The following DPF3 variants were observed in gnomAD, a reference collection of about 807,000 sequenced individuals.
DPF3 encodes the protein double PHD fingers 3, also known as zinc finger protein DPF3.
DPF3 carries 18 observed loss-of-function variants against 56.8 expected under a neutral mutation model. The observed-to-expected ratio is 0.32, with a 90% CI of 0.22 to 0.47. The LOEUF is 0.47. DPF3 is among the 20% of genes least tolerant of loss of function. The pLI is 1.00. For synonymous variants in DPF3, 188 were observed against 180.2 expected (o/e 1.04, Z -0.35); for missense variants, 403 against 488.8 (o/e 0.82, Z 1.65).
intron 8 of DPF3, chr14:72,662,807 G>T: frequency 1.0e-6 from 1 of 986,348 alleles, no homozygotes; most frequent in Non-Finnish European, 1.2e-6. Context: ...CTTGAAGGAT[G>T]CTGGAGTCCC....
chr14:72,714,385 C>A (rs1888804038), intron 6 of DPF3, 38 bp downstream of exon 6: 6 of 1,610,396 alleles, frequency 3.7e-6, no homozygotes, highest in Non-Finnish European at 4.2e-6. Flanking sequence ...GGGGCAGGCG[C>A]ACAGGGAGGA....
intron 3 of DPF3, among the ~76,000 whole-genome samples, chr14:72,751,512 C>T (rs141508545): frequency 1.3e-5 from 2 of 152,274 alleles, no homozygotes; most frequent in African/African-American, 2.4e-5. Flanking sequence ...AGGCCAGGAC[C>T]GCACTTTGAA....
chr14:72,742,940 C>T (rs1183648015), intron 3 of DPF3, among the ~76,000 whole-genome samples: 1 of 152,144 alleles, frequency 6.6e-6, no homozygotes, highest in Non-Finnish European at 1.5e-5. Context: ...GGAGATACCC[C>T]TCTGCAGGTC....
intron 1 of DPF3, among the ~76,000 whole-genome samples, chr14:72,868,233 G>T (rs1885756211): frequency 6.6e-6 from 1 of 152,160 alleles, no homozygotes; most frequent in African/African-American, 2.4e-5. Context: ...AAGGGTACCT[G>T]GGAGTCAGAC....
chr14:72,693,962 C>T (rs1462230427), intron 6 of DPF3, among the ~76,000 whole-genome samples: 1 of 152,228 alleles, frequency 6.6e-6, no homozygotes, highest in African/African-American at 2.4e-5. Context: ...AGAGCTTGTG[C>T]CCCTGATGCC....
intron 6 of DPF3, among the ~76,000 whole-genome samples, chr14:72,709,297 G>A (rs982149808): frequency 2.6e-5 from 4 of 152,140 alleles, no homozygotes; most frequent in African/African-American, 7.2e-5. Context: ...GACACCTGAC[G>A]TGACTCAGGA....
intron 1 of DPF3, among the ~76,000 whole-genome samples, chr14:72,821,130 T>C (rs1366586401): frequency 8.4e-6 from 1 of 119,664 alleles, no homozygotes; most frequent in African/African-American, 3.0e-5. Context: ...TGAAACTCTA[T>C]CTCAAAAAAA....
At chr14:72,881,460 C>T (rs188658282) in intron 1 of DPF3, among the ~76,000 whole-genome samples, 17 of 152,188 alleles carry the variant, frequency 1.1e-4, no homozygotes, top group Non-Finnish European at 1.8e-4. Context: ...GGGTATTCTC[C>T]CTGTGTCGAT....
At position 72,689,025 on chromosome 14, in the gene DPF3, C is replaced by T. The variant is rs535761347; in HGVS notation, c.742+4051G>A. Among the ~76,000 whole-genome samples, 12 of 151,886 alleles carry T rather than the reference C, an allele frequency of 7.9e-5. No homozygotes were observed. In the South Asian group the frequency reaches 1.5e-3, roughly 18 times the overall value. ...TGAGAGACTGAGGGAGAAACAAAGG[C>T]GTGAGAGCATCAGCTTGGGGGCCAG... On this transcript the variant is annotated intron_variant, in intron 7 of 10. Transcript: ENST00000556509.
intron 1 of DPF3, among the ~76,000 whole-genome samples, chr14:72,821,064 G>A (rs562985509): frequency 2.0e-4 from 30 of 150,888 alleles, no homozygotes; most frequent in South Asian, 2.1e-4. Context: ...AACCTGAGAC[G>A]CAGAGGTTGC....
At chr14:72,750,789 C>T (rs1485094743) in intron 3 of DPF3, among the ~76,000 whole-genome samples, 1 of 18,766 alleles carries the variant, frequency 5.3e-5, no homozygotes, top group Non-Finnish European at 1.3e-4. Flanking sequence ...TTGAAAGAAT[C>T]TCAAAAAAAA....
At chr14:72,666,365 A>G (rs182324461) in intron 8 of DPF3, among the ~76,000 whole-genome samples, 2 of 152,334 alleles carry the variant, frequency 1.3e-5, no homozygotes, top group Non-Finnish European at 2.9e-5. Flanking sequence ...CTTTTACAGA[A>G]TCAAATACCT....
At chr14:72,838,657 T>G (rs1884404592) in intron 1 of DPF3, among the ~76,000 whole-genome samples, 1 of 151,858 alleles carries the variant, frequency 6.6e-6, no homozygotes, top group Non-Finnish European at 1.5e-5. Flanking sequence ...CTCGGGAGGC[T>G]GAGGCAGGAG....
chr14:72,610,844 G>A lies in DPF3; in HGVS notation c.*8453C>T, dbSNP rs1883680799. Among the ~76,000 whole-genome samples, 1 of 152,190 alleles carries A rather than the reference G, an allele frequency of 6.6e-6. No homozygotes were observed. The highest frequency in any genetic ancestry group is 1.5e-5 in the Non-Finnish European group (1 of 68,038). ...GCCTGGGGGAAGTGCTGCCAGTCTG[G>A]TGTGGAAAGGGTCCAAGTCAGAGGC... On this transcript the variant is annotated 3_prime_UTR_variant, in exon 11 of 11. Coordinates refer to ENST00000556509, the MANE Select transcript of DPF3 (RefSeq NM_001280542.3).
chr14:72,690,366 C>T (rs931427050), intron 7 of DPF3, among the ~76,000 whole-genome samples: 1 of 152,160 alleles, frequency 6.6e-6, no homozygotes, highest in Non-Finnish European at 1.5e-5. Flanking sequence ...GGGGAGACTG[C>T]CTCCTTCTAC....
chr14:72,753,493 C>T, intron 2 of DPF3, 122 bp from the exon 3 acceptor site: 1 of 766,772 alleles, frequency 1.3e-6, no homozygotes, highest in Non-Finnish European at 2.0e-6. Context: ...AGTGACTTGT[C>T]AACATCACAA....
At chr14:72,641,707 C>A (rs987704145) in intron 8 of DPF3, among the ~76,000 whole-genome samples, 1 of 152,348 alleles carries the variant, frequency 6.6e-6, no homozygotes, top group East Asian at 1.9e-4. Flanking sequence ...TTGGTGGCTG[C>A]AGTGCTTTGC....
rs372522233 is a variant in DPF3, at chr14:72,714,319, C to T, written c.604+104G>A. The T allele has an allele frequency of 7.1e-6, 10 of 1,407,250 alleles. No homozygotes were observed. The East Asian group carries it at 1.6e-4, about 23-fold the overall frequency. 87.2% of individuals were successfully genotyped at this position (1,407,250 alleles called of 1,614,324 possible). Reference sequence around the variant, plus strand: ...GGGTGCAGACAGAGGAAGAGGAGAGCACACACTGAGGTTGGCAGGCGGATG... The same window carrying T: ...GGGTGCAGACAGAGGAAGAGGAGAGTACACACTGAGGTTGGCAGGCGGATG... On this transcript the variant is annotated intron_variant, in intron 6 of 10. Coordinates refer to ENST00000556509, the MANE Select transcript of DPF3 (RefSeq NM_001280542.3).
intron 8 of DPF3, among the ~76,000 whole-genome samples, chr14:72,631,888 C>A (rs1885190921): frequency 6.6e-6 from 1 of 152,120 alleles, no homozygotes; most frequent in South Asian, 2.1e-4. Context: ...GGAAACCTTC[C>A]CTGAGAAAGA....
Sources: gnomAD v4.1 joint callset for allele counts (sites outside exome capture counted in the v4.1 genomes callset) on GRCh38, gnomAD v4.1.1 for gene constraint, MANE v1.5 for transcripts, NCBI Gene and HGNC (gene_info 2026-07-23, HGNC 2026-07-21) for gene names.